The following SNAP23 variants were observed in gnomAD, a reference collection of about 807,000 sequenced individuals.
The protein encoded by SNAP23 is synaptosome associated protein 23.
SNAP23 carries 11 observed loss-of-function variants against 29.0 expected under a neutral mutation model. That is an observed-to-expected ratio of 0.38 (90% CI 0.24 to 0.63). SNAP23 has a LOEUF of 0.63. Among genes scored for constraint, SNAP23 ranks in the 20% least tolerant of loss-of-function variants. The pLI is 0.58. For synonymous variants in SNAP23, 60 were observed against 82.9 expected (o/e 0.72, Z 1.50); for missense variants, 220 against 253.9 (o/e 0.87, Z 0.91).
upstream of SNAP23, among the ~76,000 whole-genome samples, chr15:42,491,901 T>TTTATTTATTTATTTAG (rs1555433008): frequency 1.9e-4 from 28 of 146,862 alleles, no homozygotes; most frequent in South Asian, 6.6e-4. Context: ...TATTTATTTA[T>TTTATTTATTTATTTAG]TTAGTTAGTT....
In SNAP23 at chr15:42,531,432, G is replaced by A. The variant is rs143597217; in HGVS notation, c.590G>A (p.Arg197His). The part of the protein sequence containing the change: ...ITDKADTNRD[R>H]IDIANARAKK... The stretch of plus-strand genomic sequence containing the variant: ...TTTCAGGCTGACACCAACAGAGATC[G>A]TATTGATATTGCCAATGCCAGAGCA... The change falls in exon 8 of 8, where the codon CGT (arginine) becomes CAT (histidine). Residue 197 changes from arginine to histidine, a missense_variant. Arg to His is a conservative substitution (Grantham distance 29). Coordinates refer to ENST00000249647, the MANE Select transcript of SNAP23 (RefSeq NM_003825.4). 46 of 1,591,062 alleles carry A rather than the reference G, an allele frequency of 2.9e-5. No individual in the cohort carries two copies. Among genetic ancestry groups the A allele is most frequent in the Admixed American group, 1.6e-4 (9 of 56,866 alleles).
In SNAP23 at chr15:42,531,579, A is replaced by T. The variant is rs1201712071; in HGVS notation, c.*101A>T. ...AAGTTTTCGGTTCCACGCTCTTCTA[A>T]TTGGGAGATAATATGGAAGAAGGGC... On this transcript the variant is annotated 3_prime_UTR_variant, in exon 8 of 8. Transcript: ENST00000249647. 1 of 836,320 alleles carries T rather than the reference A, an allele frequency of 1.2e-6. No homozygotes were observed. The allele number at this position is 836,320 out of a possible 1,614,324, so 51.8% of individuals were successfully genotyped here.
chr15:42,513,522 A>T (rs2057374707), intron 4 of SNAP23, 75 bp downstream of exon 4: 3 of 1,208,742 alleles, frequency 2.5e-6, no homozygotes, highest in African/African-American at 1.5e-5. Flanking sequence ...GCCACATACA[A>T]ATTTCAGCCT....
At position 42,528,336 on chromosome 15, in the gene SNAP23, T is replaced by C; in HGVS notation, c.341T>C (p.Val114Ala). ...GDGGENSPCN[V>A]VSKQPGPVTN... is the part of the protein sequence containing the mutation. ...GGTGGAGAAAACTCACCTTGCAATG[T>C]AGTATCTAAACAGCCAGGCCCGGTG... Residue 114 changes from valine (V) to alanine (A), a missense_variant, in exon 6 of 8, where the codon GTA (valine) becomes GCA (alanine). Coordinates refer to ENST00000249647, the MANE Select transcript of SNAP23 (RefSeq NM_003825.4). 1 of 1,614,162 alleles carries C rather than the reference T, an allele frequency of 6.2e-7. No individual in the cohort carries two copies. The highest frequency in any genetic ancestry group is 8.5e-7 in the Non-Finnish European group (1 of 1,180,028).
intron 5 of SNAP23, among the ~76,000 whole-genome samples, chr15:42,522,746 G>A (rs1272191348): frequency 3.0e-5 from 4 of 134,988 alleles, no homozygotes; most frequent in African/African-American, 1.1e-4. Flanking sequence ...AGAAATTATC[G>A]TTTTTGTGCT....
chr15:42,523,535 T>A (rs2617236), intron 5 of SNAP23, among the ~76,000 whole-genome samples: 86,938 of 152,176 alleles, frequency 0.57, 30,017 homozygotes, highest in East Asian at 0.79. Flanking sequence ...CTTACAGGCA[T>A]GAACTGTTGA....
intron 1 of SNAP23, among the ~76,000 whole-genome samples, chr15:42,499,166 T>C (rs2057247716): frequency 6.6e-6 from 1 of 151,948 alleles, no homozygotes. Context: ...CCTCCCGGGT[T>C]CAAGCGATTC....
intron 1 of SNAP23, among the ~76,000 whole-genome samples, chr15:42,499,623 GCAT>G (rs1346339573): frequency 6.6e-6 from 1 of 151,832 alleles, no homozygotes; most frequent in Non-Finnish European, 1.5e-5. Flanking sequence ...AGCTTTTTTA[GCAT>G]CCATTATAAT....
intron 1 of SNAP23, among the ~76,000 whole-genome samples, chr15:42,510,262 G>A (rs540180489): frequency 3.3e-5 from 5 of 151,812 alleles, no homozygotes; most frequent in Admixed American, 1.3e-4. Flanking sequence ...CAACCTCCCC[G>A]GTAGCTGGGA....
At chr15:42,529,073 A>G (rs917690429) in intron 6 of SNAP23, among the ~76,000 whole-genome samples, 10 of 152,244 alleles carry the variant, frequency 6.6e-5, no homozygotes, top group African/African-American at 2.4e-4. Context: ...GTAACGAGCC[A>G]GAGAGTTAAT....
At chr15:42,518,415 CTTTTTCTTTTCTTTCTCT>C (rs2057415844) in intron 5 of SNAP23, among the ~76,000 whole-genome samples, 1 of 150,658 alleles carries the variant, frequency 6.6e-6, no homozygotes, top group Non-Finnish European at 1.5e-5. Context: ...TTTGGAAATA[CTTTTTCTTTTCTTTCTCT>C]TTTTTTTTTT....
chr15:42,516,105 AGT>A (rs1357563849), intron 5 of SNAP23, among the ~76,000 whole-genome samples: 2 of 147,200 alleles, frequency 1.4e-5, no homozygotes, highest in Middle Eastern at 3.2e-3. Context: ...GACAGATTGG[AGT>A]GGAGTATAAA....
At chr15:42,529,982 A>C (rs1335375222) in intron 7 of SNAP23, among the ~76,000 whole-genome samples, 163 bp downstream of exon 7, 4 of 152,204 alleles carry the variant, frequency 2.6e-5, no homozygotes, top group Non-Finnish European at 2.9e-5. Flanking sequence ...ACAAGAGCCA[A>C]GTCCTCCCTG....
At chr15:42,522,471 T>A (rs1433910510) in intron 5 of SNAP23, among the ~76,000 whole-genome samples, 1 of 152,126 alleles carries the variant, frequency 6.6e-6, no homozygotes, top group African/African-American at 2.4e-5. Context: ...TTTATGAGAA[T>A]TATGAACATG....
intron 5 of SNAP23, among the ~76,000 whole-genome samples, chr15:42,521,271 T>TC (rs2057447152): frequency 6.6e-6 from 1 of 152,142 alleles, no homozygotes; most frequent in Non-Finnish European, 1.5e-5. Flanking sequence ...AAATACATAA[T>TC]AGAAGTCATT....
chr15:42,502,190 GC>G (rs1470119865), intron 1 of SNAP23, among the ~76,000 whole-genome samples: 3 of 145,936 alleles, frequency 2.1e-5, no homozygotes, highest in African/African-American at 2.7e-5. Context: ...ACCACGCCCG[GC>G]TAATTTTCTG....
intron 5 of SNAP23, among the ~76,000 whole-genome samples, chr15:42,522,500 A>G (rs1179410119): frequency 2.0e-5 from 3 of 152,092 alleles, no homozygotes; most frequent in Admixed American, 6.6e-5. Context: ...TTAAAAAATT[A>G]AGTATTTGAT....
intron 2 of SNAP23, 154 bp downstream of exon 2, chr15:42,512,057 CT>C (rs2057361645): frequency 2.4e-6 from 1 of 408,414 alleles, no homozygotes; most frequent in Non-Finnish European, 4.4e-6. Context: ...TTTTTATTTT[CT>C]TTTTAACTCA....
chr15:42,509,590 C>G (rs888473987), intron 1 of SNAP23, among the ~76,000 whole-genome samples: 3 of 151,996 alleles, frequency 2.0e-5, no homozygotes. Flanking sequence ...CAGGCGCTCA[C>G]CACCACTCCC....
Sources: allele counts gnomAD v4.1 joint callset (sites outside exome capture counted in the v4.1 genomes callset), GRCh38; gene constraint gnomAD v4.1.1; transcripts MANE v1.5; gene names NCBI Gene and HGNC (gene_info 2026-07-23, HGNC 2026-07-21).